CCNY: variants seen among roughly 807,000 people sequenced by gnomAD.
CCNY encodes the protein cyclin Y, also known as cyclin-Y.
Under a neutral mutation model 42.8 loss-of-function variants are expected in CCNY, and 19 were observed. The observed-to-expected ratio is 0.44, with a 90% CI of 0.31 to 0.65. CCNY has a LOEUF of 0.65. Among genes scored for constraint, CCNY ranks in the 30% least tolerant of loss-of-function variants. CCNY has a pLI of 0.07. For missense variants in CCNY, 370 were observed against 437.3 expected (o/e 0.85, Z 1.37); for synonymous variants, 165 against 162.7 (o/e 1.01, Z -0.11).
At chr10:35,268,011 G>A (rs1275364725) in intron 3 of CCNY, among the ~76,000 whole-genome samples, 5 of 151,894 alleles carry the variant, frequency 3.3e-5, no homozygotes, top group Admixed American at 6.6e-5. Flanking sequence ...TGCAGCCTGC[G>A]CCTCCCAGGC....
chr10:35,512,895 C>T (rs1840351494), intron 3 of CCNY, among the ~76,000 whole-genome samples: 2 of 152,020 alleles, frequency 1.3e-5, no homozygotes, highest in Admixed American at 6.6e-5. Context: ...CAGTGGAAGT[C>T]TTATCCCTGC....
chr10:35,253,037 T>G (rs2095713027), intron 3 of CCNY, among the ~76,000 whole-genome samples: 1 of 152,184 alleles, frequency 6.6e-6, no homozygotes, highest in Non-Finnish European at 1.5e-5. Flanking sequence ...TTTGCTTCTA[T>G]TTATGACAAA....
At chr10:35,376,618 A>G (rs1320685589) in intron 1 of CCNY, among the ~76,000 whole-genome samples, 3 of 152,210 alleles carry the variant, frequency 2.0e-5, no homozygotes, top group African/African-American at 7.2e-5. Flanking sequence ...TAAGCATATA[A>G]TGCATATGTT....
At chr10:35,296,307 G>A (rs1368020123) in intron 3 of CCNY, among the ~76,000 whole-genome samples, 12 of 151,934 alleles carry the variant, frequency 7.9e-5, no homozygotes, top group Admixed American at 1.3e-4. Context: ...AGTTTGGGAG[G>A]GGTGGCTCAC....
At chr10:35,386,064 G>A (rs568794761) in intron 1 of CCNY, among the ~76,000 whole-genome samples, 2 of 152,160 alleles carry the variant, frequency 1.3e-5, no homozygotes, top group South Asian at 2.1e-4. Flanking sequence ...AATAGCGTGC[G>A]CTTTTGGACC....
chr10:35,428,065 A>AG (rs1838307574), intron 1 of CCNY, among the ~76,000 whole-genome samples: 1 of 152,228 alleles, frequency 6.6e-6, no homozygotes, highest in Non-Finnish European at 1.5e-5. Context: ...GTACATTGTC[A>AG]GATTTATGCT....
At chr10:35,279,884 C>T (rs775475428) in intron 3 of CCNY, among the ~76,000 whole-genome samples, 2 of 152,188 alleles carry the variant, frequency 1.3e-5, no homozygotes, top group African/African-American at 2.4e-5. Context: ...ACTCCTAACC[C>T]CCTGTTATGG....
At chr10:35,532,315 G>A (rs1466874842) in intron 7 of CCNY, among the ~76,000 whole-genome samples, 1 of 152,224 alleles carries the variant, frequency 6.6e-6, no homozygotes, top group South Asian at 2.1e-4. Context: ...CATTCATTAA[G>A]CCCTTATTTT....
chr10:35,566,336 A>C (rs1448644259), intron 9 of CCNY, 151 bp downstream of exon 9: 1 of 820,236 alleles, frequency 1.2e-6, no homozygotes, highest in African/African-American at 1.7e-5. Context: ...GCAGTTGATT[A>C]TGATTTGTTC....
At chr10:35,387,245 G>C (rs1239780357) in intron 1 of CCNY, among the ~76,000 whole-genome samples, 2 of 151,318 alleles carry the variant, frequency 1.3e-5, no homozygotes. Flanking sequence ...GTTACTGCCA[G>C]TGAGATAGTC....
intron 1 of CCNY, among the ~76,000 whole-genome samples, chr10:35,387,338 T>C (rs1467910124): frequency 6.6e-6 from 1 of 152,180 alleles, no homozygotes; most frequent in Non-Finnish European, 1.5e-5. Flanking sequence ...TGCCTGGTGA[T>C]GATGGTGGTT....
chr10:35,382,643 T>C (rs1285738316), intron 1 of CCNY, among the ~76,000 whole-genome samples: 5 of 151,926 alleles, frequency 3.3e-5, no homozygotes. Context: ...CCTCTACCCC[T>C]CCAGTAAAGA....
intron 1 of CCNY, among the ~76,000 whole-genome samples, chr10:35,410,445 A>G (rs2135245819): frequency 6.6e-6 from 1 of 152,328 alleles, no homozygotes; most frequent in East Asian, 1.9e-4. Flanking sequence ...AACACATGTG[A>G]TCACGGAAAC....
intron 7 of CCNY, among the ~76,000 whole-genome samples, chr10:35,551,304 A>C (rs567330914): frequency 6.6e-6 from 1 of 152,340 alleles, no homozygotes; most frequent in East Asian, 1.9e-4. Context: ...TAAAAAACAA[A>C]ACAAAACAAA....
At chr10:35,443,972 G>C (rs893926403) in intron 1 of CCNY, among the ~76,000 whole-genome samples, 6 of 148,184 alleles carry the variant, frequency 4.0e-5, no homozygotes, top group African/African-American at 1.6e-4. Context: ...TAGGGTGGAC[G>C]TGTCAGACTA....
In CCNY at chr10:35,449,707, C is replaced by G. The variant is rs1196652237; in HGVS notation, c.155-33697C>G. The G allele has an allele frequency of 9.2e-6, 9 of 979,534 alleles. No homozygotes were observed. The Admixed American group carries it at 1.8e-4, about 20-fold the overall frequency. The allele number at this position is 979,534 out of a possible 1,614,324, so 60.7% of individuals were successfully genotyped here. On this transcript the variant is annotated intron_variant, in intron 1 of 9. Coordinates refer to ENST00000374704, the MANE Select transcript of CCNY (RefSeq NM_145012.6). ...CCCAGGGAGGTACCTTTTTAGGGACCACAGGTCAGAGAGGTGCAGGGAGCA... is the reference window on the plus strand; with the variant it reads ...CCCAGGGAGGTACCTTTTTAGGGACGACAGGTCAGAGAGGTGCAGGGAGCA...
chr10:35,345,249 T>G (rs1413303465), intron 1 of CCNY, among the ~76,000 whole-genome samples: 1 of 152,194 alleles, frequency 6.6e-6, no homozygotes, highest in Non-Finnish European at 1.5e-5. Flanking sequence ...GTTTCCTGAC[T>G]TTTTAATGAT....
intron 3 of CCNY, among the ~76,000 whole-genome samples, chr10:35,253,678 C>T (rs2095713520): frequency 6.6e-6 from 1 of 151,792 alleles, no homozygotes; most frequent in African/African-American, 2.4e-5. Context: ...TATATTTATT[C>T]CATGTAGACC....
chr10:35,517,573 G>A (rs1013525451), intron 4 of CCNY, among the ~76,000 whole-genome samples: 1 of 152,232 alleles, frequency 6.6e-6, no homozygotes. Flanking sequence ...GAGTCAGGCA[G>A]TGAGGACTAT....
Sources: gnomAD v4.1 joint callset for allele counts (sites outside exome capture counted in the v4.1 genomes callset) on GRCh38, gnomAD v4.1.1 for gene constraint, MANE v1.5 for transcripts, NCBI Gene and HGNC (gene_info 2026-07-23, HGNC 2026-07-21) for gene names.